MPP4: variants seen among roughly 807,000 people sequenced by gnomAD.
MPP4 encodes MAGUK p55 subfamily member 4.
In MPP4, 91 loss-of-function variants were observed where a neutral mutation model predicts 98.3. The ratio of observed to expected loss-of-function variants is 0.93; its 90% CI spans 0.78 to 1.10. The LOEUF (loss-of-function observed/expected upper bound fraction) is 1.10. MPP4 is among the 50% of genes least tolerant of loss of function. The pLI is 0.00. For synonymous variants in MPP4, 261 were observed against 271.8 expected, an observed-to-expected ratio of 0.96 and a Z score of 0.39; for missense variants, 744 against 792.9, an observed-to-expected ratio of 0.94 and a Z score of 0.74.
At chr2:201,690,365 C>A (rs969417427) in intron 3 of MPP4, 86 bp from the exon 4 acceptor site, 1 of 839,646 alleles carries the variant, frequency 1.2e-6, no homozygotes, top group Non-Finnish European at 1.9e-6. Context: ...AGAAGAAACA[C>A]CCCAGGCAAC....
In MPP4 at chr2:201,685,969, T is replaced by G; in HGVS notation, c.442A>C (p.Ser148Arg). 1.9e-6 allele frequency: 3 copies of G among 1,612,934 alleles called. No homozygotes were observed. The highest frequency in any genetic ancestry group is 1.7e-6 in the Non-Finnish European group (2 of 1,179,032). The change falls in exon 6 of 22, where the codon AGT becomes CGT. Residue 148 changes from serine (S) to arginine (R), a missense_variant. Physicochemically the swap from Ser to Arg is moderately radical, Grantham distance 110. Transcript: ENST00000409474. ...CAAACAATCCTCATTGCTTCCTCAC[T>G]CTCAGGGATATTGTCTGGCAGTGGA... Reference protein sequence around the residue: ...LPPLPDNIPESEEAMRIVCLV... With the variant: ...LPPLPDNIPEREEAMRIVCLV...
chr2:201,694,165 T>C, intron 1 of MPP4, 111 bp from the exon 2 acceptor site: 1 of 1,025,766 alleles, frequency 9.7e-7, no homozygotes, highest in Non-Finnish European at 1.4e-6. Flanking sequence ...CTCTTAACCA[T>C]CACCAGTGGC....
At chr2:201,682,744 C>G in intron 8 of MPP4, 87 bp downstream of exon 8, 1 of 1,137,848 alleles carries the variant, frequency 8.8e-7, no homozygotes, top group Non-Finnish European at 1.3e-6. Flanking sequence ...CCCGGTACAT[C>G]CCAGTGCACA....
rs770281007 is a variant in MPP4 at position 201,687,284 on chromosome 2, C to T, written c.360+7G>A. On this transcript the variant is annotated splice_region_variant and intron_variant, in intron 5 of 21. Coordinates refer to ENST00000409474, the MANE Select transcript of MPP4 (RefSeq NM_033066.3). Reference sequence around the variant, plus strand: ...GGGACATCTTTTCTATTTTAGCAGGCACTTGCCTTGAAGTGTGGAGCCTGG... The same window carrying T: ...GGGACATCTTTTCTATTTTAGCAGGTACTTGCCTTGAAGTGTGGAGCCTGG... 1.0e-5 allele frequency: 16 copies of T among 1,567,812 alleles called. No individual in the cohort carries two copies. Among genetic ancestry groups the T allele is most frequent in the Admixed American group, 5.6e-5 (3 of 53,460 alleles).
intron 18 of MPP4, among the ~76,000 whole-genome samples, chr2:201,654,085 T>C (rs1337353350): frequency 1.3e-5 from 2 of 151,932 alleles, no homozygotes; most frequent in Non-Finnish European, 2.9e-5. Flanking sequence ...TAAGCGATTA[T>C]CTGTCTCAGC....
At position 201,676,031 on chromosome 2, in the gene MPP4, G is replaced by A. The variant is rs1343753196; in HGVS notation, c.930-760C>T. Among the ~76,000 whole-genome samples, 3 of 152,110 alleles carry A rather than the reference G, an allele frequency of 2.0e-5. No homozygotes were observed. In the East Asian group the frequency reaches 5.8e-4, roughly 29 times the overall value. ...CAAATTAGAATCTCCATTTTAATAA[G>A]AGCCCAGGTAAGTCATATGTATGTT... On this transcript the variant is annotated intron_variant, in intron 10 of 21. Transcript: ENST00000409474.
chr2:201,682,763 C>A, intron 8 of MPP4, 68 bp downstream of exon 8: 1 of 1,402,260 alleles, frequency 7.1e-7, no homozygotes, highest in Admixed American at 1.7e-5. Flanking sequence ...CACACGTGGG[C>A]TTGATGGTCC....
chr2:201,677,580 T>C (rs1441645385), intron 10 of MPP4, among the ~76,000 whole-genome samples: 2 of 152,182 alleles, frequency 1.3e-5, no homozygotes, highest in African/African-American at 2.4e-5. Flanking sequence ...GTCACTCTTA[T>C]AAAGAGTTTA....
rs566894141 is a variant in MPP4 at position 201,677,764 on chromosome 2, A to G, written c.930-2493T>C. ...GAGCCGGGGAATCCGTATTTTACAA[A>G]ATACCCAGCTCATTTTTACTCATAG... On this transcript the variant is annotated intron_variant, in intron 10 of 21. Coordinates refer to ENST00000409474, the MANE Select transcript of MPP4 (RefSeq NM_033066.3). Among the ~76,000 whole-genome samples, 114 of 152,322 alleles carry G rather than the reference A, an allele frequency of 7.5e-4. 6 individuals carry two copies. Among genetic ancestry groups the G allele is most frequent in the Admixed American group, 2.6e-4 (4 of 15,304 alleles).
intron 11 of MPP4, among the ~76,000 whole-genome samples, chr2:201,670,004 C>T (rs1380052167): frequency 1.3e-5 from 2 of 152,168 alleles, no homozygotes; most frequent in Non-Finnish European, 2.9e-5. Flanking sequence ...CGCCTTCTTC[C>T]ATCCCAGCTA....
At position 201,681,653 on chromosome 2, in the gene MPP4, A is replaced by G. The variant is rs181510894; in HGVS notation, c.661-86T>C. ...GGTGGACAGAGTTACAGTGCAATGT[A>G]TCCAGGTCTCATGGTAAAATCCCCC... On this transcript the variant is annotated intron_variant, in intron 8 of 21. Coordinates refer to ENST00000409474, the MANE Select transcript of MPP4 (RefSeq NM_033066.3). 4.2e-3 allele frequency: 4,022 copies of G among 958,260 alleles called. 66 individuals carry two copies. The highest frequency in any genetic ancestry group is 0.037 in the Admixed American group (1,870 of 50,376). The allele number at this position is 958,260 out of a possible 1,614,324, so 59.4% of individuals were successfully genotyped here. A position where few individuals can be genotyped will look rare whatever the true frequency, so the allele number is the denominator to read the frequency against.
At chr2:201,650,488 A>C (rs776692080) in intron 18 of MPP4, 57 of 985,306 alleles carry the variant, frequency 5.8e-5, no homozygotes, top group Non-Finnish European at 6.7e-5. Flanking sequence ...AGATGCCTGA[A>C]AGCTCCCAGG....
At chr2:201,652,790 T>G (rs1480112005) in intron 18 of MPP4, among the ~76,000 whole-genome samples, 2 of 152,136 alleles carry the variant, frequency 1.3e-5, no homozygotes, top group African/African-American at 4.8e-5. Flanking sequence ...CCCCGATAGA[T>G]CTCACTTCCA....
chr2:201,650,390 A>G (rs1388102387), intron 18 of MPP4: 10 of 985,336 alleles, frequency 1.0e-5, no homozygotes, highest in Non-Finnish European at 1.2e-5. Flanking sequence ...AAAAGAATGC[A>G]CTAGGTATTA....
chr2:201,674,953 A>C, intron 11 of MPP4: 1 of 605,384 alleles, frequency 1.7e-6, no homozygotes, highest in South Asian at 1.7e-5. Context: ...GGACAGCTTC[A>C]ACTCCCTATG....
intron 3 of MPP4, among the ~76,000 whole-genome samples, 184 bp from the exon 4 acceptor site, chr2:201,690,463 GC>G (rs1349222564): frequency 6.6e-6 from 1 of 152,144 alleles, no homozygotes; most frequent in African/African-American, 2.4e-5. Context: ...GAGTTTGGTG[GC>G]CCCGATGCTT....
chr2:201,691,627 C>T (rs531054199), intron 3 of MPP4, among the ~76,000 whole-genome samples: 4 of 152,166 alleles, frequency 2.6e-5, no homozygotes, highest in African/African-American at 4.8e-5. Flanking sequence ...AAGCAATTCT[C>T]GTGCCTCAGC....
At chr2:201,656,066 T>C (rs907217298) in intron 17 of MPP4, 132 bp downstream of exon 17, 1 of 1,071,616 alleles carries the variant, frequency 9.3e-7, no homozygotes, top group Non-Finnish European at 1.3e-6. Context: ...AATGGCTTTG[T>C]TTTTTAAAAA....
In MPP4 at chr2:201,645,124, G is replaced by C; in HGVS notation, c.*86C>G. 1 of 1,176,810 alleles carries C rather than the reference G, an allele frequency of 8.5e-7. No homozygotes were observed. The allele number at this position is 1,176,810 out of a possible 1,614,324, so 72.9% of individuals were successfully genotyped here. A position where few individuals can be genotyped will look rare whatever the true frequency, so the allele number is the denominator to read the frequency against. On this transcript the variant is annotated 3_prime_UTR_variant, in exon 22 of 22. Coordinates refer to ENST00000409474, the MANE Select transcript of MPP4 (RefSeq NM_033066.3). ...CTTTTAAAGTTGTACACATTAAAAT[G>C]GGTCAAATACTGTTGTTTTAGATTG...
Sources: allele counts gnomAD v4.1 joint callset (sites outside exome capture counted in the v4.1 genomes callset), GRCh38; gene constraint gnomAD v4.1.1; transcripts MANE v1.5; gene names NCBI Gene and HGNC (gene_info 2026-07-23, HGNC 2026-07-21).